The following SHISA9 variants were observed in gnomAD, a reference collection of about 807,000 sequenced individuals.
SHISA9 encodes the protein shisa family member 9.
A neutral mutation model predicts 38.0 loss-of-function variants in SHISA9; 13 were observed. The ratio of observed to expected loss-of-function variants is 0.34; its 90% CI spans 0.22 to 0.54. SHISA9 has a LOEUF of 0.54. Among genes scored for constraint, SHISA9 ranks in the 20% least tolerant of loss-of-function variants. SHISA9 has a pLI of 0.91. For missense variants in SHISA9, 538 were observed against 575.8 expected (o/e 0.93, Z 0.67); for synonymous variants, 275 against 242.0 (o/e 1.14, Z -1.27).
the SHISA9 span, among the ~76,000 whole-genome samples, chr16:13,387,895 A>G: frequency 6.6e-6 from 1 of 152,126 alleles, no homozygotes; most frequent in Non-Finnish European, 1.5e-5. Context: ...AAACTCAATT[A>G]TGAAATTTTC....
chr16:13,314,613 G>T, the SHISA9 span, among the ~76,000 whole-genome samples: 1 of 151,926 alleles, frequency 6.6e-6, no homozygotes, highest in Non-Finnish European at 1.5e-5. Flanking sequence ...TACATTTAAT[G>T]AATACAGTTT....
At chr16:13,252,027 C>T in the SHISA9 span, among the ~76,000 whole-genome samples, 2 of 152,234 alleles carry the variant, frequency 1.3e-5, no homozygotes, top group African/African-American at 4.8e-5. Context: ...TAGTACACAG[C>T]AAGTTCCCTT....
the SHISA9 span, among the ~76,000 whole-genome samples, chr16:13,274,947 G>A: frequency 5.2e-4 from 79 of 152,084 alleles, no homozygotes; most frequent in African/African-American, 1.8e-3. Context: ...CTAATGATTG[G>A]GTCCACTGTG....
intron 4 of SHISA9, among the ~76,000 whole-genome samples, chr16:13,220,354 G>T (rs1443561586): frequency 6.6e-6 from 1 of 152,176 alleles, no homozygotes; most frequent in African/African-American, 2.4e-5. Context: ...GTGCAAGAGA[G>T]AAATTCAAAC....
At chr16:13,121,690 A>G (rs912270926) in intron 2 of SHISA9, among the ~76,000 whole-genome samples, 1 of 152,112 alleles carries the variant, frequency 6.6e-6, no homozygotes, top group Non-Finnish European at 1.5e-5. Flanking sequence ...AACTGCATCA[A>G]TGCTAACTCC....
intron 4 of SHISA9, among the ~76,000 whole-genome samples, chr16:13,217,344 C>G (rs1324445841): frequency 6.6e-6 from 1 of 152,088 alleles, no homozygotes; most frequent in Non-Finnish European, 1.5e-5. Flanking sequence ...CATCTCAAGA[C>G]CAGCAGACTG....
intron 2 of SHISA9, among the ~76,000 whole-genome samples, chr16:13,027,619 A>G (rs1351605340): frequency 2.0e-5 from 3 of 152,226 alleles, no homozygotes; most frequent in African/African-American, 7.2e-5. Context: ...ATAAAAAATA[A>G]TGAATATTGA....
chr16:13,542,279 C>G, the SHISA9 span, among the ~76,000 whole-genome samples: 11 of 152,204 alleles, frequency 7.2e-5, no homozygotes, highest in African/African-American at 2.7e-4. Flanking sequence ...AATTTGTGGT[C>G]ATTTATCACA....
rs1555501018 is a variant in SHISA9, at chr16:12,928,330, G to GTGTGTGTGTA, written c.691+11516_691+11517insGTGTGTGTAT. ...AGAGGTTGGTTGTGTGTGTGTGTGT[G>GTGTGTGTGTA]TATGTGTGTGTGCATGACTTTATAG... On this transcript the variant is annotated intron_variant, in intron 2 of 4. Coordinates refer to ENST00000558583, the MANE Select transcript of SHISA9 (RefSeq NM_001145204.3). Among the ~76,000 whole-genome samples the GTGTGTGTGTA allele has an allele frequency of 7.9e-5, 7 of 88,506 alleles. No individual in the cohort carries two copies. In the South Asian group the frequency reaches 2.3e-3, roughly 29 times the overall value. 58.1% of individuals were successfully genotyped at this position (88,506 alleles called of 152,430 possible).
intron 2 of SHISA9, among the ~76,000 whole-genome samples, chr16:13,186,123 C>T (rs1384771352): frequency 6.6e-6 from 1 of 151,828 alleles, no homozygotes; most frequent in African/African-American, 2.4e-5. Context: ...TCACAGCCTC[C>T]CTTTGCCTCT....
chr16:13,241,687 G>C (rs983089864), downstream of SHISA9, among the ~76,000 whole-genome samples: 1 of 152,134 alleles, frequency 6.6e-6, no homozygotes, highest in East Asian at 1.9e-4. Context: ...TGGATGCTTA[G>C]AGACATTGTC....
intron 2 of SHISA9, among the ~76,000 whole-genome samples, chr16:12,958,045 T>C (rs1428171079): frequency 6.6e-6 from 1 of 152,216 alleles, no homozygotes; most frequent in Non-Finnish European, 1.5e-5. Context: ...ATTCAGTTCA[T>C]AACACAGATA....
At position 13,203,468 on chromosome 16, in the gene SHISA9, A is replaced by T. The variant is rs891014089; in HGVS notation, c.766A>T (p.Asn256Tyr). The T allele has an allele frequency of 1.2e-5, 18 of 1,551,240 alleles. No individual in the cohort carries two copies. The highest frequency in any genetic ancestry group is 1.6e-5 in the Non-Finnish European group (18 of 1,146,766). ...QQMGHPHSYPNLGQISNPYEQ... is the reference protein window; with the variant it reads ...QQMGHPHSYPYLGQISNPYEQ... ...GATGGGCCATCCACATTCGTACCCG[A>T]ACCTGGGCCAGATCTCCAACCCCTA... is the stretch of plus-strand genomic sequence containing the variant. Residue 256 changes from asparagine (N) to tyrosine (Y), a missense_variant, in exon 3 of 5, where the codon AAC becomes TAC. By Grantham distance (143) the Asn-to-Tyr change is moderately radical. Around this residue, in one of 4 missense-constraint regions of SHISA9, gnomAD observed 326 missense variants for 305.9 expected, o/e 1.07. Transcript: ENST00000558583.
intron 2 of SHISA9, among the ~76,000 whole-genome samples, chr16:13,012,848 C>CG (rs2072695031): frequency 6.6e-6 from 1 of 152,140 alleles, no homozygotes; most frequent in Admixed American, 6.5e-5. Flanking sequence ...CAGTCAGCCA[C>CG]GGCCAGACAG....
chr16:12,910,587 A>C (rs1325029196), intron 1 of SHISA9: 4 of 985,334 alleles, frequency 4.1e-6, no homozygotes, highest in Non-Finnish European at 4.8e-6. Flanking sequence ...TTCAATATTC[A>C]GTCATTTCAA....
At chr16:13,504,711 C>T in the SHISA9 span, among the ~76,000 whole-genome samples, 2 of 152,158 alleles carry the variant, frequency 1.3e-5, no homozygotes, top group African/African-American at 4.8e-5. Flanking sequence ...CTGGGCATTG[C>T]TCCATGCCAT....
rs188703592 is a variant in SHISA9 at position 13,129,318 on chromosome 16, C to T, written c.692-74076C>T. On this transcript the variant is annotated intron_variant, in intron 2 of 4. Transcript: ENST00000558583. The stretch of plus-strand genomic sequence containing the variant: ...ACAGTACAGTGAGCTTTGCTCCAAG[C>T]AGTCATTCAGGGACTCAGGCAGCTT... Among the ~76,000 whole-genome samples, 5 of 152,280 alleles carry T rather than the reference C, an allele frequency of 3.3e-5. No individual in the cohort carries two copies. In the East Asian group the frequency reaches 9.7e-4, roughly 29 times the overall value.
the SHISA9 span, among the ~76,000 whole-genome samples, chr16:13,491,817 C>CTTTTTTTTTTTTTTTTTTTTTTTTTTTTT: frequency 2.1e-5 from 1 of 46,892 alleles, no homozygotes. Context: ...TATTTATTGA[C>CTTTTTTTTTTTTTTTTTTTTTTTTTTTTT]CTTTTTTTTT....
intron 2 of SHISA9, among the ~76,000 whole-genome samples, chr16:13,062,962 G>A (rs2073392978): frequency 7.0e-6 from 1 of 143,386 alleles, no homozygotes; most frequent in Non-Finnish European, 1.6e-5. Flanking sequence ...CGTGCTTTCG[G>A]ACGCATCCCT....
Sources: gnomAD v4.1 joint callset for allele counts (sites outside exome capture counted in the v4.1 genomes callset) on GRCh38, gnomAD v4.1.1 for gene constraint, gnomAD v4.1.1 regional missense constraint, MANE v1.5 for transcripts, NCBI Gene and HGNC (gene_info 2026-07-23, HGNC 2026-07-21) for gene names.